The following PTPRD variants were observed in gnomAD, a reference collection of about 807,000 sequenced individuals.
PTPRD encodes receptor-type tyrosine-protein phosphatase delta.
PTPRD carries 34 observed loss-of-function variants against 214.5 expected under a neutral mutation model. The observed-to-expected ratio is 0.16, with a 90% CI of 0.12 to 0.21. The LOEUF (loss-of-function observed/expected upper bound fraction) is 0.21. Among genes scored for constraint, PTPRD ranks in the 10% least tolerant of loss-of-function variants. The probability of loss-of-function intolerance (pLI) is 1.00; values close to 1 mark genes in which losing one functional copy is unlikely to be tolerated. For missense variants in PTPRD, 2,545 were observed against 2,398.7 expected, an observed-to-expected ratio of 1.06 and a Z score of -1.27; for synonymous variants, 1,128 against 845.7, an observed-to-expected ratio of 1.33 and a Z score of -5.79.
chr9:8,701,305 A>C (rs971411062), intron 12 of PTPRD: 2 of 152,200 alleles, frequency 1.3e-5, no homozygotes, highest in Non-Finnish European at 2.9e-5. Context: ...CTCAAGTATT[A>C]TAATGACAGA....
At chr9:10,107,126 T>G (rs2098641140) in intron 3 of PTPRD, among the ~76,000 whole-genome samples, 1 of 151,950 alleles carries the variant, frequency 6.6e-6, no homozygotes, top group Non-Finnish European at 1.5e-5. Context: ...AACATATAAA[T>G]TTACCTTTGA....
At chr9:10,496,890 C>T (rs535529855) in intron 2 of PTPRD, among the ~76,000 whole-genome samples, 2 of 152,084 alleles carry the variant, frequency 1.3e-5, no homozygotes, top group East Asian at 3.9e-4. Flanking sequence ...CAAGTATTTT[C>T]TCCCATTCTG....
At chr9:8,558,677 A>G (rs1477208745) in intron 14 of PTPRD, among the ~76,000 whole-genome samples, 1 of 152,210 alleles carries the variant, frequency 6.6e-6, no homozygotes, top group Non-Finnish European at 1.5e-5. Flanking sequence ...TTATCTAATA[A>G]AAAATGTCTA....
intron 14 of PTPRD, among the ~76,000 whole-genome samples, chr9:8,595,361 T>A (rs965971484): frequency 4.6e-5 from 7 of 152,102 alleles, no homozygotes; most frequent in African/African-American, 1.7e-4. Context: ...CAATCAAAGC[T>A]TATTTGAACC....
At position 8,341,786 on chromosome 9, in the gene PTPRD, G is replaced by C. The variant is rs200790773; in HGVS notation, c.4854C>G (p.Thr1618=). The part of the protein sequence containing the change: ...ALLEAVTCGN[T]EVPARNLYAY... Reference sequence around the variant, plus strand: ...CATACAAGTTTCTAGCTGGCACTTCGGTATTTCCACAAGTCACTGCTTCTA... The same window carrying C: ...CATACAAGTTTCTAGCTGGCACTTCCGTATTTCCACAAGTCACTGCTTCTA... Residue 1618 remains threonine (T), a synonymous_variant, in exon 40 of 46, where the codon ACC becomes ACG. Coordinates refer to ENST00000381196, the MANE Select transcript of PTPRD (RefSeq NM_002839.4). The C allele has an allele frequency of 6.2e-7, 1 of 1,613,434 alleles. No homozygotes were observed. The highest frequency in any genetic ancestry group is 8.5e-7 in the Non-Finnish European group (1 of 1,179,680).
intron 2 of PTPRD, among the ~76,000 whole-genome samples, chr9:10,367,844 A>AC (rs2097542541): frequency 6.6e-6 from 1 of 152,016 alleles, no homozygotes; most frequent in South Asian, 2.1e-4. Context: ...AAAGTACTTT[A>AC]CCTCCTTGTG....
chr9:10,505,727 C>T (rs1009136778), intron 2 of PTPRD, among the ~76,000 whole-genome samples: 1 of 151,598 alleles, frequency 6.6e-6, no homozygotes, highest in Non-Finnish European at 1.5e-5. Flanking sequence ...GCTATAGTTC[C>T]ATGTTATCAA....
intron 7 of PTPRD, among the ~76,000 whole-genome samples, chr9:9,725,485 G>A (rs1286299867): frequency 2.0e-5 from 3 of 152,058 alleles, no homozygotes; most frequent in South Asian, 2.1e-4. Context: ...AATGGACTAA[G>A]AAAGGCTAAG....
At chr9:9,256,233 T>C (rs780796670) in intron 9 of PTPRD, among the ~76,000 whole-genome samples, 3 of 152,038 alleles carry the variant, frequency 2.0e-5, no homozygotes, top group Non-Finnish European at 2.9e-5. Flanking sequence ...TGCTGGCCTT[T>C]GAAATTATAA....
chr9:8,727,058 G>A (rs142343931), intron 12 of PTPRD, among the ~76,000 whole-genome samples: 3 of 151,998 alleles, frequency 2.0e-5, no homozygotes, highest in African/African-American at 7.3e-5. Flanking sequence ...AGAATGTTAA[G>A]GGAATAAAAC....
rs147785322 is a variant in PTPRD at position 10,045,206 on chromosome 9, C to G, written c.-544-11416G>C. 5.2e-3 allele frequency among the ~76,000 whole-genome samples: 791 copies of G among 151,756 alleles called. 4 individuals are homozygous for G. The highest frequency in any genetic ancestry group is 8.3e-3 in the Non-Finnish European group (563 of 67,734). On this transcript the variant is annotated intron_variant, in intron 3 of 45. Transcript: ENST00000381196. ...AACTTTTCTTTGGCCAAAGTAGTAT[C>G]CCTTTATTAACAGGCAAATTTGTTC...
At chr9:9,198,640 C>T (rs1343532256) in intron 9 of PTPRD, among the ~76,000 whole-genome samples, 1 of 152,140 alleles carries the variant, frequency 6.6e-6, no homozygotes, top group African/African-American at 2.4e-5. Context: ...CGAGGAACAT[C>T]AGCTCAAATG....
intron 2 of PTPRD, among the ~76,000 whole-genome samples, chr9:10,383,531 A>G (rs535871529): frequency 1.3e-5 from 2 of 151,932 alleles, no homozygotes; most frequent in Admixed American, 1.3e-4. Context: ...TTGGAAGACA[A>G]TTCAGTTGAC....
intron 3 of PTPRD, among the ~76,000 whole-genome samples, chr9:10,248,900 C>G (rs2092498571): frequency 6.6e-6 from 1 of 151,306 alleles, no homozygotes; most frequent in Admixed American, 6.6e-5. Flanking sequence ...AATATTGATA[C>G]TAGATTTCCA....
At chr9:8,358,952 A>G (rs942454944) in intron 39 of PTPRD, among the ~76,000 whole-genome samples, 1 of 150,118 alleles carries the variant, frequency 6.7e-6, no homozygotes, top group Non-Finnish European at 1.5e-5. Context: ...CTAAAAATAC[A>G]AAAAAATTAG....
chr9:8,673,806 T>G (rs1025687739), intron 12 of PTPRD, among the ~76,000 whole-genome samples: 6 of 152,182 alleles, frequency 3.9e-5, no homozygotes, highest in African/African-American at 1.4e-4. Flanking sequence ...TCAACTTTGG[T>G]GCTATTGACA....
intron 11 of PTPRD, among the ~76,000 whole-genome samples, chr9:8,883,831 G>A (rs545166263): frequency 6.6e-6 from 1 of 152,286 alleles, no homozygotes; most frequent in East Asian, 1.9e-4. Flanking sequence ...TCTGGAGCCG[G>A]TCCAGTAATG....
chr9:10,238,544 A>G (rs1187720583), intron 3 of PTPRD, among the ~76,000 whole-genome samples: 1 of 151,866 alleles, frequency 6.6e-6, no homozygotes, highest in African/African-American at 2.4e-5. Context: ...TAAAATTTAA[A>G]GATTTGTCTC....
At chr9:9,788,808 G>A (rs867402139) in intron 5 of PTPRD, among the ~76,000 whole-genome samples, 3 of 151,900 alleles carry the variant, frequency 2.0e-5, no homozygotes, top group Non-Finnish European at 4.4e-5. Context: ...TCTGCATGAA[G>A]TTGACATGCA....
Sources: gnomAD v4.1 joint callset for allele counts (sites outside exome capture counted in the v4.1 genomes callset) on GRCh38, gnomAD v4.1.1 for gene constraint, MANE v1.5 for transcripts, NCBI Gene and HGNC (gene_info 2026-07-23, HGNC 2026-07-21) for gene names.